Variants in FBLN1 observed in about 807,000 individuals in gnomAD.
The protein encoded by FBLN1 is fibulin-1.
In FBLN1, 34 loss-of-function variants were observed where a neutral mutation model predicts 89.7. The ratio of observed to expected loss-of-function variants is 0.38; its 90% CI spans 0.29 to 0.50. The LOEUF is 0.50. FBLN1 is among the 20% of genes least tolerant of loss of function. The pLI is 0.92. For missense variants in FBLN1, 777 were observed against 988.1 expected, an observed-to-expected ratio of 0.79 and a Z score of 2.86; for synonymous variants, 393 against 391.3, an observed-to-expected ratio of 1.00 and a Z score of -0.05.
chr22:45,551,371 C>T (rs946315276), intron 14 of FBLN1, among the ~76,000 whole-genome samples: 3 of 152,226 alleles, frequency 2.0e-5, no homozygotes, highest in East Asian at 1.9e-4. Context: ...CAGCTGTTTC[C>T]GAGGCCTTGG....
At chr22:45,569,739 G>A (rs1181100510) in intron 14 of FBLN1, among the ~76,000 whole-genome samples, 1 of 152,178 alleles carries the variant, frequency 6.6e-6, no homozygotes, top group Non-Finnish European at 1.5e-5. Flanking sequence ...ACAGGGAGAA[G>A]TCAGACTTCT....
chr22:45,517,951 T>C (rs1476718264), intron 1 of FBLN1, among the ~76,000 whole-genome samples: 1 of 151,978 alleles, frequency 6.6e-6, no homozygotes, highest in Non-Finnish European at 1.5e-5. Context: ...GCCAACATGG[T>C]GAAACCCCAT....
chr22:45,600,387 G>T lies in FBLN1; in HGVS notation c.2053G>T (p.Val685Leu), dbSNP rs150439157. The T allele has an allele frequency of 2.5e-6, 4 of 1,614,110 alleles. No individual in the cohort carries two copies. Among genetic ancestry groups the T allele is most frequent in the South Asian group, 2.2e-5 (2 of 91,084 alleles). Residue 685 changes from valine to leucine, a missense_variant, in exon 17 of 17, where the codon GTG becomes TTG. By Grantham distance (32) the Val-to-Leu change is conservative. Coordinates refer to ENST00000327858, the MANE Select transcript of FBLN1 (RefSeq NM_006486.3). ...KLEMNYVVGG[V>L]VSHRNVVNVH... The stretch of plus-strand genomic sequence containing the variant: ...GGAGATGAACTATGTGGTCGGGGGC[G>T]TGGTCTCCCACCGAAATGTTGTCAA...
chr22:45,568,622 C>CTT (rs1569260260), intron 14 of FBLN1, among the ~76,000 whole-genome samples: 102 of 47,166 alleles, frequency 2.2e-3, no homozygotes, highest in East Asian at 4.2e-3. Context: ...GAATGCTCCT[C>CTT]CTGTAAGGGA....
At chr22:45,538,813 C>T (rs2088516331) in intron 8 of FBLN1, among the ~76,000 whole-genome samples, 1 of 152,048 alleles carries the variant, frequency 6.6e-6, no homozygotes, top group South Asian at 2.1e-4. Context: ...CCTGGAGCTC[C>T]TAGAACCATC....
rs957261522 is a variant in FBLN1 at position 45,537,535 on chromosome 22, G to T, written c.922+2198G>T. On this transcript the variant is annotated intron_variant, in intron 8 of 16. Coordinates refer to ENST00000327858, the MANE Select transcript of FBLN1 (RefSeq NM_006486.3). This position sits in a 1 kb window ranked among gnomAD's most constrained non-coding sequence, Gnocchi z 5.7. ...CTCAAGATGCTGAGGCAGGAGAATC[G>T]CTTGAACCCAGGAGGTGGAGGTTGT... Among the ~76,000 whole-genome samples the T allele has an allele frequency of 5.9e-5, 9 of 152,016 alleles. 1 individual carries two copies. The South Asian group carries it at 1.9e-3, about 32-fold the overall frequency.
intron 2 of FBLN1, among the ~76,000 whole-genome samples, chr22:45,519,576 A>G (rs955948772): frequency 1.4e-4 from 21 of 149,560 alleles, no homozygotes; most frequent in Non-Finnish European, 2.5e-4. Flanking sequence ...GTGAGCTGAG[A>G]TCGCGCCACT....
chr22:45,563,494 T>G lies in FBLN1; in HGVS notation c.1698-11017T>G. ...GAGGAGCGCTCCCCACTAGAGGGTG[T>G]GTGCTCGGGGGTCCCTGTTCACAGA... is the stretch of plus-strand genomic sequence containing the variant. On this transcript the variant is annotated intron_variant, in intron 14 of 16. Coordinates refer to ENST00000327858, the MANE Select transcript of FBLN1 (RefSeq NM_006486.3). This position sits in a 1 kb window ranked among gnomAD's most constrained non-coding sequence, Gnocchi z 5.7. 1 of 873,444 alleles carries G rather than the reference T, an allele frequency of 1.1e-6. No individual in the cohort carries two copies. Among genetic ancestry groups the G allele is most frequent in the Non-Finnish European group, 1.7e-6 (1 of 589,438 alleles). 54.1% of individuals were successfully genotyped at this position (873,444 alleles called of 1,614,324 possible).
At chr22:45,573,680 CAAAAAAAA>C (rs60082908) in intron 14 of FBLN1, among the ~76,000 whole-genome samples, 18 of 58,964 alleles carry the variant, frequency 3.1e-4, no homozygotes, top group South Asian at 1.8e-3. Context: ...GACTCTGTCT[CAAAAAAAA>C]AAAAAAAAAA....
Position 45,600,547 on chromosome 22 carries a change from T to C in FBLN1, c.*101T>C. On this transcript the variant is annotated 3_prime_UTR_variant, in exon 17 of 17. Coordinates refer to ENST00000327858, the MANE Select transcript of FBLN1 (RefSeq NM_006486.3). ...TTTATACCCTCAGACTTTTTTAATG[T>C]TAGGTATTTGTAGCATTAGGCCAAC... 1 of 1,383,622 alleles carries C rather than the reference T, an allele frequency of 7.2e-7. No individual in the cohort carries two copies. The highest frequency in any genetic ancestry group is 1.0e-6 in the Non-Finnish European group (1 of 971,742). The allele number at this position is 1,383,622 out of a possible 1,614,324, so 85.7% of individuals were successfully genotyped here.
chr22:45,600,350 C>T lies in FBLN1; in HGVS notation c.2016C>T (p.Ala672=), dbSNP rs775534608. The T allele has an allele frequency of 2.5e-5, 41 of 1,614,046 alleles. No homozygotes were observed. Among genetic ancestry groups the T allele is most frequent in the East Asian group, 4.5e-5 (2 of 44,890 alleles). ...GGCCCATCGTGGGCCCATTTCATGCCGTCCTGAAGCTGGAGATGAACTATG... is the reference window on the plus strand; with the variant it reads ...GGCCCATCGTGGGCCCATTTCATGCTGTCCTGAAGCTGGAGATGAACTATG... ...QVRPIVGPFH[A]VLKLEMNYVV... Residue 672 remains alanine (A), a synonymous_variant, in exon 17 of 17, where the codon GCC becomes GCT. Coordinates refer to ENST00000327858, the MANE Select transcript of FBLN1 (RefSeq NM_006486.3).
intron 11 of FBLN1, among the ~76,000 whole-genome samples, 165 bp from the exon 12 acceptor site, chr22:45,546,920 G>T (rs908771206): frequency 6.6e-6 from 1 of 152,192 alleles, no homozygotes; most frequent in Non-Finnish European, 1.5e-5. Flanking sequence ...GGAGCCACCA[G>T]CGATGACGCC....
intron 2 of FBLN1, among the ~76,000 whole-genome samples, chr22:45,519,358 C>T (rs1206409622): frequency 3.3e-5 from 5 of 152,082 alleles, no homozygotes; most frequent in Admixed American, 1.3e-4. Flanking sequence ...CGGTGGCTCA[C>T]GCCTGTAATC....
rs1454814194 is a variant in FBLN1 at position 45,532,222 on chromosome 22, C to T, written c.545-841C>T. Among the ~76,000 whole-genome samples, 2 of 152,084 alleles carry T rather than the reference C, an allele frequency of 1.3e-5. No homozygotes were observed. Among genetic ancestry groups the T allele is most frequent in the Non-Finnish European group, 2.9e-5 (2 of 68,004 alleles). ...CTGGTGGAGGGAGGAAGGGAGTGAC[C>T]TAGAGCCCCAGCAAGCCTCAGGGCT... On this transcript the variant is annotated intron_variant, in intron 5 of 16. Coordinates refer to ENST00000327858, the MANE Select transcript of FBLN1 (RefSeq NM_006486.3). The surrounding 1 kb of genome is among the most constrained non-coding windows in gnomAD (Gnocchi z 4.2).
intron 16 of FBLN1, among the ~76,000 whole-genome samples, chr22:45,598,546 C>A (rs138721097): frequency 2.0e-4 from 31 of 152,316 alleles, no homozygotes; most frequent in African/African-American, 6.7e-4. Context: ...AGGAGGGGTG[C>A]CTCTTCCAAG....
chr22:45,576,953 C>G lies in FBLN1; in HGVS notation c.1841-24C>G. ...GGCTGGGGCCAGGCTGTGCTGAGCCCTTCTCCATTCTGTGCCTCTGCAGAG... is the reference window on the plus strand; with the variant it reads ...GGCTGGGGCCAGGCTGTGCTGAGCCGTTCTCCATTCTGTGCCTCTGCAGAG... On this transcript the variant is annotated intron_variant, in intron 15 of 16. Coordinates refer to ENST00000327858, the MANE Select transcript of FBLN1 (RefSeq NM_006486.3). This position sits in a 1 kb window ranked among gnomAD's most constrained non-coding sequence, Gnocchi z 5.2. 1 of 1,613,188 alleles carries G rather than the reference C, an allele frequency of 6.2e-7. No homozygotes were observed. The highest frequency in any genetic ancestry group is 1.1e-5 in the South Asian group (1 of 91,078).
rs182298610 is a variant in FBLN1 at position 45,518,495 on chromosome 22, G to A, written c.80-187G>A. The A allele has an allele frequency of 5.1e-5, 33 of 649,378 alleles. 1 individual carries two copies. The East Asian group carries it at 9.1e-4, about 18-fold the overall frequency. The allele number at this position is 649,378 out of a possible 1,614,324, so 40.2% of individuals were successfully genotyped here. On this transcript the variant is annotated intron_variant, in intron 1 of 16. Transcript: ENST00000327858. ...GGTCTTTCTTCTAGGAAGGAGTGGG[G>A]TGTGGACTCGCAGCTGGGGTCTGGT...
At chr22:45,538,136 G>A (rs1166168741) in intron 8 of FBLN1, among the ~76,000 whole-genome samples, 2 of 152,206 alleles carry the variant, frequency 1.3e-5, no homozygotes, top group African/African-American at 4.8e-5. Flanking sequence ...TGGCGGCACT[G>A]AGCTGTTCCG....
chr22:45,564,248 C>T (rs910660728), intron 14 of FBLN1, among the ~76,000 whole-genome samples: 1 of 152,232 alleles, frequency 6.6e-6, no homozygotes, highest in African/African-American at 2.4e-5. Flanking sequence ...ATCTGTCCCC[C>T]TCTGCTGCTC....
Sources: gnomAD v4.1 joint callset for allele counts (sites outside exome capture counted in the v4.1 genomes callset) on GRCh38, gnomAD v4.1.1 for gene constraint, Gnocchi (gnomAD v3.1) non-coding constraint, MANE v1.5 for transcripts, NCBI Gene and HGNC (gene_info 2026-07-23, HGNC 2026-07-21) for gene names.